The following DLEC1 variants were observed in gnomAD, a reference collection of about 807,000 sequenced individuals.
DLEC1 encodes DLEC1 cilia and flagella associated protein.
A neutral mutation model predicts 198.1 loss-of-function variants in DLEC1; 146 were observed. The ratio of observed to expected loss-of-function variants is 0.74; its 90% CI spans 0.64 to 0.85. The LOEUF (loss-of-function observed/expected upper bound fraction) is 0.85, where lower values mean the gene tolerates loss of function less well. DLEC1 is among the 40% of genes least tolerant of loss of function. The pLI, the probability that DLEC1 is intolerant of heterozygous loss-of-function variation, is 0.00. For missense variants in DLEC1, 2,233 were observed against 2,220.0 expected (o/e 1.01, Z -0.12); for synonymous variants, 897 against 866.8 (o/e 1.03, Z -0.61).
intron 1 of DLEC1, 38 bp downstream of exon 1, chr3:38,039,674 G>A (rs1342679516): frequency 3.2e-6 from 5 of 1,555,964 alleles, no homozygotes; most frequent in Admixed American, 1.9e-5. Context: ...GGACGGTGCC[G>A]GGGTCTCAGC....
At chr3:38,080,185 T>C (rs2125655097) in intron 6 of DLEC1, among the ~76,000 whole-genome samples, 1 of 152,176 alleles carries the variant, frequency 6.6e-6, no homozygotes, top group South Asian at 2.1e-4. Flanking sequence ...TAAGAGTAAA[T>C]TGCTGGGCAG....
At chr3:38,047,768 T>C (rs1700946302) in intron 2 of DLEC1, among the ~76,000 whole-genome samples, 1 of 152,232 alleles carries the variant, frequency 6.6e-6, no homozygotes, top group Admixed American at 6.5e-5. Context: ...CCTTTCATGA[T>C]GCTGGCAGCC....
intron 5 of DLEC1, among the ~76,000 whole-genome samples, chr3:38,063,305 A>G (rs1457601608): frequency 6.6e-6 from 1 of 152,170 alleles, no homozygotes; most frequent in Non-Finnish European, 1.5e-5. Flanking sequence ...GAAAAATTAG[A>G]TACAAAAACT....
In DLEC1 at chr3:38,086,378, G is replaced by A. The variant is rs1233618630; in HGVS notation, c.1572+1G>A. ...AAGCTGGCCACCACTAAGTTTCAAG[G>A]TGAGTGATCACAGGTTGCTAACTGG... On this transcript the variant is annotated splice_donor_variant, in intron 9 of 36. Transcript: ENST00000308059. LOFTEE classifies it high-confidence loss of function. The A allele has an allele frequency of 6.2e-7, 1 of 1,601,448 alleles. No homozygotes were observed. Among genetic ancestry groups the A allele is most frequent in the Non-Finnish European group, 8.5e-7 (1 of 1,174,216 alleles).
chr3:38,084,443 G>GGTA (rs1698277222), intron 7 of DLEC1, among the ~76,000 whole-genome samples, 198 bp downstream of exon 7: 3 of 2,844 alleles, frequency 1.1e-3, no homozygotes, highest in African/African-American at 2.2e-3. Flanking sequence ...TAGTGGTGGT[G>GGTA]GTGGTGGTGG....
rs114517446 is a variant in DLEC1, at chr3:38,078,531, C to T, written c.1174-5627C>T. Among the ~76,000 whole-genome samples the T allele has an allele frequency of 7.7e-3, 1,174 of 152,204 alleles. 10 individuals carry two copies. Among genetic ancestry groups the T allele is most frequent in the Non-Finnish European group, 0.014 (940 of 68,026 alleles). ...ATTGAGGTTTGGGAGATTAATTGGG[C>T]ACAATCAGCAGGGAGAGCACGTGTG... On this transcript the variant is annotated intron_variant, in intron 6 of 36. Transcript: ENST00000308059.
intron 2 of DLEC1, chr3:38,052,257 G>A: frequency 4.2e-6 from 2 of 478,850 alleles, no homozygotes; most frequent in Non-Finnish European, 8.4e-6. Flanking sequence ...GAGACTCCCT[G>A]TTGGTGAAGG....
chr3:38,114,481 G>A, intron 26 of DLEC1, 21 bp downstream of exon 26: 1 of 1,611,262 alleles, frequency 6.2e-7, no homozygotes, highest in Non-Finnish European at 8.5e-7. Context: ...CTCAGCCTGA[G>A]CCTCTGCTCC....
intron 22 of DLEC1, 131 bp downstream of exon 22, chr3:38,109,693 G>T: frequency 6.9e-7 from 1 of 1,457,122 alleles, no homozygotes; most frequent in Non-Finnish European, 9.3e-7. Flanking sequence ...ACGCCACAGT[G>T]TTATTGCGGC....
intron 20 of DLEC1, 140 bp from the exon 21 acceptor site, chr3:38,108,265 C>A: frequency 3.0e-6 from 2 of 668,230 alleles, no homozygotes; most frequent in Non-Finnish European, 2.6e-6. Context: ...CAGAAGTGAG[C>A]ACCCAGCCCT....
In DLEC1 at chr3:38,107,655, A is replaced by ATC; in HGVS notation, c.2940_2941dup (p.Tyr981SerfsTer38). The ATC allele has an allele frequency of 1.2e-6, 2 of 1,614,118 alleles. No homozygotes were observed. The highest frequency in any genetic ancestry group is 1.7e-6 in the Non-Finnish European group (2 of 1,180,008). On this transcript the variant is annotated frameshift_variant, in exon 20 of 37. Coordinates refer to ENST00000308059, the MANE Select transcript of DLEC1 (RefSeq NM_007335.4). LOFTEE classifies it high-confidence loss of function. ...CAGAGCAGCCAGGTGGAGGTTAGAA[A>ATC]TCTCTACCTGGGTGTGCCCACGAAG...
In DLEC1 at chr3:38,120,487, T is replaced by C; in HGVS notation, c.4744T>C (p.Tyr1582His). The C allele has an allele frequency of 6.2e-7, 1 of 1,614,194 alleles. No homozygotes were observed. The highest frequency in any genetic ancestry group is 1.1e-5 in the South Asian group (1 of 91,088). The change falls in exon 34 of 37, where the codon TAT becomes CAT. Residue 1582 changes from tyrosine (Y) to histidine (H), a missense_variant. Transcript: ENST00000308059. ...CTCACTCTCCCTGGAGCTGCTCTCC[T>C]ATCAGAAGCTCCCAGCTGACCAGAC... ...SFSLSLELLS[Y>H]QKLPADQTLP...
intron 6 of DLEC1, among the ~76,000 whole-genome samples, chr3:38,076,921 G>A (rs1467783902): frequency 6.6e-6 from 1 of 152,168 alleles, no homozygotes; most frequent in East Asian, 1.9e-4. Context: ...GGAAGATTCT[G>A]TGGTAAGGGG....
chr3:38,105,483 ATCTT>A (rs1297466606), intron 19 of DLEC1, among the ~76,000 whole-genome samples: 4 of 152,090 alleles, frequency 2.6e-5, no homozygotes, highest in Admixed American at 6.5e-5. Context: ...TAATTGTTAT[ATCTT>A]TCTAATTTAT....
At chr3:38,114,766 G>A (rs2125736785) in intron 26 of DLEC1, among the ~76,000 whole-genome samples, 1 of 152,324 alleles carries the variant, frequency 6.6e-6, no homozygotes, top group Middle Eastern at 3.4e-3. Context: ...TCTGCTCAGG[G>A]CAGGTGGGTG....
At chr3:38,090,200 A>T (rs969582610) in intron 10 of DLEC1, among the ~76,000 whole-genome samples, 1 of 152,168 alleles carries the variant, frequency 6.6e-6, no homozygotes, top group African/African-American at 2.4e-5. Flanking sequence ...TGTCCTAAAA[A>T]TAAATAAATA....
At chr3:38,076,177 G>C (rs983775772) in intron 6 of DLEC1, among the ~76,000 whole-genome samples, 1 of 152,200 alleles carries the variant, frequency 6.6e-6, no homozygotes, top group Non-Finnish European at 1.5e-5. Flanking sequence ...AAGAGGTTGA[G>C]GGATAGTGAG....
chr3:38,090,912 C>A (rs1175494149), intron 10 of DLEC1, among the ~76,000 whole-genome samples: 1 of 152,178 alleles, frequency 6.6e-6, no homozygotes, highest in East Asian at 1.9e-4. Context: ...CTTATTACAT[C>A]TATACCCCTC....
At chr3:38,079,283 G>A (rs1213269668) in intron 6 of DLEC1, among the ~76,000 whole-genome samples, 1 of 152,110 alleles carries the variant, frequency 6.6e-6, no homozygotes, top group African/African-American at 2.4e-5. Flanking sequence ...ATAACTAAAA[G>A]GAGTGCTTAA....
Sources: allele counts gnomAD v4.1 joint callset (sites outside exome capture counted in the v4.1 genomes callset), GRCh38; gene constraint gnomAD v4.1.1; transcripts MANE v1.5; gene names NCBI Gene and HGNC (gene_info 2026-07-23, HGNC 2026-07-21).